The following DOCK10 variants were observed in gnomAD, a reference collection of about 807,000 sequenced individuals.
DOCK10 encodes dedicator of cytokinesis 10.
Under a neutral mutation model 280.1 loss-of-function variants are expected in DOCK10, and 145 were observed. That is an observed-to-expected ratio of 0.52 (90% CI 0.45 to 0.59). The LOEUF (loss-of-function observed/expected upper bound fraction) is 0.59, where lower values mean the gene tolerates loss of function less well. DOCK10 is among the 20% of genes least tolerant of loss of function. The pLI is 0.00. For missense variants in DOCK10, 2,368 were observed against 2,651.7 expected (o/e 0.89, Z 2.35); for synonymous variants, 915 against 942.2 (o/e 0.97, Z 0.53).
intron 7 of DOCK10, among the ~76,000 whole-genome samples, chr2:224,882,067 C>T (rs1699009946): frequency 6.6e-6 from 1 of 152,182 alleles, no homozygotes; most frequent in African/African-American, 2.4e-5. Context: ...CCACACTGTC[C>T]ACACCCATGT....
At chr2:224,927,989 G>A (rs1306580813) in intron 2 of DOCK10, among the ~76,000 whole-genome samples, 1 of 152,066 alleles carries the variant, frequency 6.6e-6, no homozygotes, top group African/African-American at 2.4e-5. Flanking sequence ...GTCATTCTAT[G>A]ACCACTTCAC....
In DOCK10 at chr2:224,789,136, G is replaced by T; in HGVS notation, c.5346C>A (p.Ser1782Arg). 6.2e-7 allele frequency: 1 copy of T among 1,613,506 alleles called. No homozygotes were observed. Among genetic ancestry groups the T allele is most frequent in the Non-Finnish European group, 8.5e-7 (1 of 1,179,674 alleles). The change falls in exon 48 of 56, where the codon AGC becomes AGA. Residue 1782 changes from serine to arginine, a missense_variant. Transcript: ENST00000258390. ...CTTCTTCCTTAATGTTTGGTGTAAT[G>T]CTCAAAAAAGCTGGCCATCCCATAG... ...MFSMGWPAFL[S>R]ITPNIKEEGA...
chr2:224,785,313 G>C (rs1462711837), intron 50 of DOCK10, among the ~76,000 whole-genome samples: 1 of 149,458 alleles, frequency 6.7e-6, no homozygotes. Context: ...GGTATAGATT[G>C]TTTATGCAGA....
rs1426666422 is a variant in DOCK10, at chr2:224,924,207, A to G, written c.243+7342T>C. Among the ~76,000 whole-genome samples, 4 of 152,222 alleles carry G rather than the reference A, an allele frequency of 2.6e-5. No individual in the cohort carries two copies. The East Asian group carries it at 7.7e-4, about 29-fold the overall frequency. On this transcript the variant is annotated intron_variant, in intron 2 of 55. Transcript: ENST00000258390. The stretch of plus-strand genomic sequence containing the variant: ...AAAAAAACCATCTAATTGAGATATA[A>G]CTGATCTGTCATAAAATTTATCCTT...
chr2:225,019,579 T>G (rs1241717411), intron 1 of DOCK10, among the ~76,000 whole-genome samples: 1 of 151,966 alleles, frequency 6.6e-6, no homozygotes, highest in Non-Finnish European at 1.5e-5. Context: ...CTGGCTTCCA[T>G]CTGGTTCCCG....
intron 4 of DOCK10, chr2:224,893,322 T>TAA (rs892895414): frequency 2.5e-5 from 4 of 157,338 alleles, no homozygotes; most frequent in Non-Finnish European, 4.1e-5. Flanking sequence ...GCTCTTTTAT[T>TAA]AAAAAAAAAA....
At chr2:224,967,619 C>A (rs1463510768) in intron 1 of DOCK10, among the ~76,000 whole-genome samples, 6 of 152,010 alleles carry the variant, frequency 3.9e-5, no homozygotes, top group Admixed American at 1.3e-4. Flanking sequence ...GGAAATTAAG[C>A]CTCAAACTGG....
rs1289049170 is a variant in DOCK10 at position 224,770,405 on chromosome 2, T to C, written c.6306-56A>G. ...CCAGCCCTCGGAAGTGGCATTGAGCTCAGTGACTGTGAGTTCAGAGTCAGG... is the reference window on the plus strand; with the variant it reads ...CCAGCCCTCGGAAGTGGCATTGAGCCCAGTGACTGTGAGTTCAGAGTCAGG... On this transcript the variant is annotated intron_variant, in intron 54 of 55. Transcript: ENST00000258390. The surrounding 1 kb of genome is among the most constrained non-coding windows in gnomAD (Gnocchi z 4.5). The C allele has an allele frequency of 6.4e-7, 1 of 1,561,846 alleles. No homozygotes were observed. The highest frequency in any genetic ancestry group is 1.4e-5 in the African/African-American group (1 of 73,686).
At chr2:224,788,430 CTTCG>C (rs762762121) in intron 48 of DOCK10, among the ~76,000 whole-genome samples, 2 of 152,060 alleles carry the variant, frequency 1.3e-5, no homozygotes, top group Non-Finnish European at 2.9e-5. Context: ...ATTATATTTA[CTTCG>C]TTTATTTGCA....
At chr2:224,896,099 T>C (rs527940328) in intron 4 of DOCK10, among the ~76,000 whole-genome samples, 196 bp downstream of exon 4, 61 of 152,206 alleles carry the variant, frequency 4.0e-4, no homozygotes, top group Non-Finnish European at 6.0e-4. Context: ...TATTTATATC[T>C]GAATCCAAAC....
intron 18 of DOCK10, among the ~76,000 whole-genome samples, chr2:224,849,866 A>G: frequency 6.6e-6 from 1 of 152,218 alleles, no homozygotes; most frequent in East Asian, 1.9e-4. Context: ...TGGGACAGGA[A>G]TAATACAGGG....
At chr2:225,031,477 C>T (rs1476495474) in intron 1 of DOCK10, among the ~76,000 whole-genome samples, 1 of 152,212 alleles carries the variant, frequency 6.6e-6, no homozygotes, top group East Asian at 1.9e-4. Flanking sequence ...AATCTGTAGT[C>T]TTGAGACCCT....
At position 224,805,152 on chromosome 2, in the gene DOCK10, A is replaced by G. The variant is rs1315222567; in HGVS notation, c.4052-28T>C. ...AAAAGGAAACACCAGGTAGTATGAG[A>G]ATCTGAAGGTTTTCTTTTTCCTTTT... On this transcript the variant is annotated intron_variant, in intron 36 of 55. Transcript: ENST00000258390. The surrounding 1 kb of genome is among the most constrained non-coding windows in gnomAD (Gnocchi z 4.3). 1 of 1,603,776 alleles carries G rather than the reference A, an allele frequency of 6.2e-7. No individual in the cohort carries two copies. The highest frequency in any genetic ancestry group is 1.4e-5 in the African/African-American group (1 of 74,066).
At chr2:224,966,079 G>C (rs553706540) in intron 1 of DOCK10, among the ~76,000 whole-genome samples, 9 of 152,132 alleles carry the variant, frequency 5.9e-5, no homozygotes, top group Non-Finnish European at 1.2e-4. Flanking sequence ...ATTGATTAAC[G>C]TTCTCCTATA....
In DOCK10 at chr2:224,787,009, C is replaced by T. The variant is rs1342187906; in HGVS notation, c.5655+13G>A. 1.3e-6 allele frequency: 2 copies of T among 1,596,000 alleles called. No individual in the cohort carries two copies. The highest frequency in any genetic ancestry group is 1.7e-4 in the Middle Eastern group (1 of 6,060). On this transcript the variant is annotated intron_variant, in intron 50 of 55. Coordinates refer to ENST00000258390, the MANE Select transcript of DOCK10 (RefSeq NM_014689.3). ...GCAGAATTTATGGGCCGTGTTATTT[C>T]TGGTGAACTTACCTGCCCATAAAAT...
intron 11 of DOCK10, among the ~76,000 whole-genome samples, chr2:224,869,726 G>A (rs1336382330): frequency 6.6e-6 from 1 of 152,112 alleles, no homozygotes; most frequent in Non-Finnish European, 1.5e-5. Context: ...CACTAACTTG[G>A]TTCTCTGTAC....
At chr2:224,983,053 G>A (rs1040157054) in intron 1 of DOCK10, among the ~76,000 whole-genome samples, 1 of 152,166 alleles carries the variant, frequency 6.6e-6, no homozygotes, top group Non-Finnish European at 1.5e-5. Context: ...ATGCAGTTCT[G>A]CAGCCTAATA....
chr2:225,013,283 T>TA (rs1406389455), intron 1 of DOCK10, among the ~76,000 whole-genome samples: 3 of 152,192 alleles, frequency 2.0e-5, no homozygotes, highest in Admixed American at 2.0e-4. Flanking sequence ...AGTAATCACT[T>TA]ACCTATTGGA....
At chr2:224,865,235 C>T in intron 11 of DOCK10, 148 bp from the exon 12 acceptor site, 1 of 691,554 alleles carries the variant, frequency 1.4e-6, no homozygotes. Flanking sequence ...TCCTGTCCTC[C>T]AGCAAGTGCC....
Sources: allele counts gnomAD v4.1 joint callset (sites outside exome capture counted in the v4.1 genomes callset), GRCh38; gene constraint gnomAD v4.1.1; non-coding constraint Gnocchi (gnomAD v3.1); transcripts MANE v1.5; gene names NCBI Gene and HGNC (gene_info 2026-07-23, HGNC 2026-07-21).